AHCYL2: variants seen among roughly 807,000 people sequenced by gnomAD.
The protein encoded by AHCYL2 is S-adenosylhomocysteine hydrolase-like protein 2.
AHCYL2 carries 28 observed loss-of-function variants against 81.4 expected under a neutral mutation model. The observed-to-expected ratio is 0.34, with a 90% CI of 0.25 to 0.47. The LOEUF is 0.47. Among genes scored for constraint, AHCYL2 ranks in the 20% least tolerant of loss-of-function variants. The pLI is 1.00. For missense variants in AHCYL2, 551 were observed against 785.1 expected (o/e 0.70, Z 3.56); for synonymous variants, 272 against 290.2 (o/e 0.94, Z 0.64).
intron 1 of AHCYL2, among the ~76,000 whole-genome samples, chr7:129,288,037 A>T (rs1796696402): frequency 1.3e-5 from 2 of 152,256 alleles, no homozygotes; most frequent in South Asian, 4.1e-4. Flanking sequence ...ATGCTAAAAA[A>T]TTAGCAATAA....
chr7:129,297,122 G>T (rs962827069), intron 1 of AHCYL2, among the ~76,000 whole-genome samples: 2 of 152,230 alleles, frequency 1.3e-5, no homozygotes, highest in African/African-American at 4.8e-5. Flanking sequence ...GTGACTTTAA[G>T]TAGGGTGATT....
chr7:129,254,628 G>C (rs1448432125), intron 1 of AHCYL2, among the ~76,000 whole-genome samples: 1 of 152,108 alleles, frequency 6.6e-6, no homozygotes, highest in Admixed American at 6.5e-5. Flanking sequence ...TTTTCTCTCT[G>C]GCTTTCTTTG....
chr7:129,400,806 G>C (rs1795996167), intron 6 of AHCYL2, among the ~76,000 whole-genome samples: 1 of 152,046 alleles, frequency 6.6e-6, no homozygotes, highest in Non-Finnish European at 1.5e-5. Context: ...TACTTGTAAT[G>C]TTAGTCAGGA....
chr7:129,307,947 G>T (rs529242176), intron 1 of AHCYL2, among the ~76,000 whole-genome samples: 41 of 151,784 alleles, frequency 2.7e-4, no homozygotes, highest in Non-Finnish European at 5.1e-4. Context: ...GGCTGAACTG[G>T]TATCTAAGTT....
chr7:129,426,657 C>T lies in AHCYL2; in HGVS notation c.1829+94C>T. On this transcript the variant is annotated intron_variant, in intron 16 of 16. Coordinates refer to ENST00000325006, the MANE Select transcript of AHCYL2 (RefSeq NM_015328.4). This position sits in a 1 kb window ranked among gnomAD's most constrained non-coding sequence, Gnocchi z 4.3. ...TTGCATCCCCAACCACATATGCTTA[C>T]ATGAACTCAGAAAAATGAACCCACT... 6.6e-7 allele frequency: 1 copy of T among 1,508,546 alleles called. No homozygotes were observed. The highest frequency in any genetic ancestry group is 8.9e-7 in the Non-Finnish European group (1 of 1,126,954). The allele number at this position is 1,508,546 out of a possible 1,614,324, so 93.4% of individuals were successfully genotyped here. A position where few individuals can be genotyped will look rare whatever the true frequency, so the allele number is the denominator to read the frequency against.
At chr7:129,313,329 CAG>C (rs1797724902) in intron 1 of AHCYL2, among the ~76,000 whole-genome samples, 1 of 152,086 alleles carries the variant, frequency 6.6e-6, no homozygotes, top group African/African-American at 2.4e-5. Flanking sequence ...GTTTTGAAGA[CAG>C]TGAAGGAAGT....
intron 1 of AHCYL2, among the ~76,000 whole-genome samples, chr7:129,257,277 C>T (rs1490624015): frequency 6.6e-6 from 1 of 152,148 alleles, no homozygotes; most frequent in Non-Finnish European, 1.5e-5. Flanking sequence ...ATAACATTTG[C>T]TGTTTGATTT....
At chr7:129,289,588 T>A (rs1796763131) in intron 1 of AHCYL2, among the ~76,000 whole-genome samples, 1 of 152,212 alleles carries the variant, frequency 6.6e-6, no homozygotes. Context: ...AAAGTCAGGA[T>A]GAATATTTTG....
At chr7:129,330,767 A>G (rs942762369) in intron 1 of AHCYL2, among the ~76,000 whole-genome samples, 6 of 152,236 alleles carry the variant, frequency 3.9e-5, no homozygotes, top group African/African-American at 9.6e-5. Context: ...GGCCTCTGGT[A>G]CATTTTTTAA....
At chr7:129,277,128 C>T (rs150139805) in intron 1 of AHCYL2, among the ~76,000 whole-genome samples, 5 of 152,008 alleles carry the variant, frequency 3.3e-5, no homozygotes, top group Admixed American at 2.6e-4. Context: ...GCAATTTTTA[C>T]AATAGTTTTA....
chr7:129,352,635 AGCAAGTCTTTT>A (rs1427863114), intron 1 of AHCYL2, among the ~76,000 whole-genome samples: 1 of 152,184 alleles, frequency 6.6e-6, no homozygotes, highest in East Asian at 1.9e-4. Context: ...CCAATCCGTT[AGCAAGTCTTTT>A]GAGTTCTGCT....
chr7:129,401,005 C>T (rs1301675766), intron 6 of AHCYL2, among the ~76,000 whole-genome samples: 3 of 152,204 alleles, frequency 2.0e-5, no homozygotes, highest in African/African-American at 7.2e-5. Context: ...CTTGAAGCCT[C>T]ATAGCACATT....
At chr7:129,328,693 C>T (rs1485513607) in intron 1 of AHCYL2, among the ~76,000 whole-genome samples, 1 of 151,998 alleles carries the variant, frequency 6.6e-6, no homozygotes, top group Non-Finnish European at 1.5e-5. Flanking sequence ...ACCATGTTGG[C>T]CAGGCTGCTC....
At chr7:129,241,718 A>G (rs541762288) in intron 1 of AHCYL2, among the ~76,000 whole-genome samples, 6 of 152,312 alleles carry the variant, frequency 3.9e-5, no homozygotes, top group Admixed American at 3.9e-4. Context: ...AAGATGTAAA[A>G]CATTGGATAA....
chr7:129,296,008 C>CTTGGAATCTAAATAGATTT (rs1797038514), intron 1 of AHCYL2, among the ~76,000 whole-genome samples: 2 of 152,172 alleles, frequency 1.3e-5, no homozygotes, highest in African/African-American at 4.8e-5. Context: ...AAATATATAG[C>CTTGGAATCTAAATAGATTT]TGGTTTTAGA....
intron 1 of AHCYL2, among the ~76,000 whole-genome samples, chr7:129,300,383 A>G (rs961458072): frequency 6.6e-6 from 1 of 152,148 alleles, no homozygotes. Flanking sequence ...GAAATAGGTG[A>G]GAATATGCAA....
intron 1 of AHCYL2, among the ~76,000 whole-genome samples, chr7:129,236,259 GGT>G (rs1236341205): frequency 1.3e-5 from 2 of 151,580 alleles, no homozygotes; most frequent in South Asian, 2.1e-4. Context: ...GGAGTACAGT[GGT>G]GTGATCTCAG....
chr7:129,397,094 C>A (rs920224548), intron 4 of AHCYL2, 128 bp from the exon 5 acceptor site: 6 of 731,848 alleles, frequency 8.2e-6, no homozygotes, highest in African/African-American at 7.1e-5. Flanking sequence ...TTCTGTAGAG[C>A]CCAATTTGAA....
At chr7:129,226,591 G>A (rs1026448213) in intron 1 of AHCYL2, among the ~76,000 whole-genome samples, 3 of 152,222 alleles carry the variant, frequency 2.0e-5, no homozygotes, top group Non-Finnish European at 2.9e-5. Context: ...AGCTGAATTG[G>A]AACCTTGGAT....
Sources: gnomAD v4.1 joint callset for allele counts (sites outside exome capture counted in the v4.1 genomes callset) on GRCh38, gnomAD v4.1.1 for gene constraint, Gnocchi (gnomAD v3.1) non-coding constraint, MANE v1.5 for transcripts, NCBI Gene and HGNC (gene_info 2026-07-23, HGNC 2026-07-21) for gene names.